ADGRB3: variants seen among roughly 807,000 people sequenced by gnomAD.
ADGRB3 encodes adhesion G protein-coupled receptor B3.
In ADGRB3, 37 loss-of-function variants were observed where a neutral mutation model predicts 193.4. That is an observed-to-expected ratio of 0.19 (90% confidence interval 0.15 to 0.25). The LOEUF (loss-of-function observed/expected upper bound fraction) is 0.25, where lower values mean the gene tolerates loss of function less well. ADGRB3 is among the 10% of genes least tolerant of loss of function. The pLI is 1.00. For missense variants in ADGRB3, 1,637 were observed against 1,852.9 expected (o/e 0.88, Z 2.14); for synonymous variants, 690 against 644.2 (o/e 1.07, Z -1.08).
chr6:68,731,491 A>G (rs1468057557), intron 3 of ADGRB3, among the ~76,000 whole-genome samples: 1 of 151,654 alleles, frequency 6.6e-6, no homozygotes, highest in Non-Finnish European at 1.5e-5. Context: ...CAGAATGCTG[A>G]TGGTTTTATT....
At chr6:68,974,523 C>T (rs1410786818) in intron 8 of ADGRB3, among the ~76,000 whole-genome samples, 2 of 152,004 alleles carry the variant, frequency 1.3e-5, no homozygotes, top group Non-Finnish European at 2.9e-5. Flanking sequence ...GTCCTAGTTA[C>T]TCAAGAGACT....
rs553203741 is a variant in ADGRB3 at position 69,278,002 on chromosome 6, G to T, written c.2814+38776G>T. 1.2e-4 allele frequency among the ~76,000 whole-genome samples: 18 copies of T among 152,270 alleles called. No individual in the cohort carries two copies. The Middle Eastern group carries it at 0.014, about 115-fold the overall frequency. On this transcript the variant is annotated intron_variant, in intron 20 of 31. Coordinates refer to ENST00000370598, the MANE Select transcript of ADGRB3 (RefSeq NM_001704.3). ...CACTCTATACCGTGAATAGTGTTCT[G>T]AGCTTGGAAACACTTGCACTTGTTT...
At chr6:69,069,731 T>C (rs1377179708) in intron 16 of ADGRB3, among the ~76,000 whole-genome samples, 1 of 108,238 alleles carries the variant, frequency 9.2e-6, no homozygotes, top group Admixed American at 1.0e-4. Context: ...ACTCTCTCAT[T>C]AAAAAAAAAA....
At chr6:68,907,269 C>G (rs1294107541) in intron 3 of ADGRB3, among the ~76,000 whole-genome samples, 1 of 151,870 alleles carries the variant, frequency 6.6e-6, no homozygotes, top group Non-Finnish European at 1.5e-5. Flanking sequence ...AGCACATATT[C>G]AGACACAATG....
chr6:69,249,673 C>A (rs972013610), intron 20 of ADGRB3, among the ~76,000 whole-genome samples: 1 of 152,058 alleles, frequency 6.6e-6, no homozygotes, highest in Non-Finnish European at 1.5e-5. Context: ...CTCACCCTAC[C>A]CTAAAATTTG....
chr6:68,772,914 T>A (rs1186270532), intron 3 of ADGRB3, among the ~76,000 whole-genome samples: 3,566 of 60,274 alleles, frequency 0.059, 216 homozygotes, highest in Non-Finnish European at 0.072. Context: ...TATATATATA[T>A]ATATATATAT....
At chr6:68,791,740 T>G (rs182158264) in intron 3 of ADGRB3, among the ~76,000 whole-genome samples, 1 of 152,220 alleles carries the variant, frequency 6.6e-6, no homozygotes, top group Non-Finnish European at 1.5e-5. Flanking sequence ...GAGATGTTGA[T>G]GAGCAAGGTA....
At chr6:69,220,015 G>A (rs28542938) in intron 17 of ADGRB3, among the ~76,000 whole-genome samples, 1 of 151,906 alleles carries the variant, frequency 6.6e-6, no homozygotes, top group African/African-American at 2.4e-5. Flanking sequence ...TAAGATGCTT[G>A]AAGCTTTCCC....
At chr6:69,179,813 G>C (rs1165995854) in intron 17 of ADGRB3, among the ~76,000 whole-genome samples, 1 of 152,194 alleles carries the variant, frequency 6.6e-6, no homozygotes, top group Non-Finnish European at 1.5e-5. Context: ...TTACAAGCCA[G>C]TAGGTGACAC....
intron 17 of ADGRB3, among the ~76,000 whole-genome samples, chr6:69,160,585 T>C (rs1002570804): frequency 3.9e-5 from 6 of 152,112 alleles, no homozygotes; most frequent in Non-Finnish European, 8.8e-5. Context: ...ATCATCTTAT[T>C]ATCATCTAGC....
At chr6:69,278,472 A>G (rs1383529016) in intron 20 of ADGRB3, among the ~76,000 whole-genome samples, 1 of 152,118 alleles carries the variant, frequency 6.6e-6, no homozygotes, top group Non-Finnish European at 1.5e-5. Context: ...TATCTTGTAC[A>G]TTATTCCCCC....
chr6:69,031,550 T>TTTC lies in ADGRB3; in HGVS notation c.2107+13053_2107+13054insCTT. Among the ~76,000 whole-genome samples the TTTC allele has an allele frequency of 4.7e-3, 331 of 69,930 alleles. 27 individuals are homozygous for TTTC. Among genetic ancestry groups the TTTC allele is most frequent in the African/African-American group, 0.012 (248 of 20,146 alleles). The allele number at this position is 69,930 out of a possible 152,430, so 45.9% of individuals were successfully genotyped here. On this transcript the variant is annotated intron_variant, in intron 13 of 31. Coordinates refer to ENST00000370598, the MANE Select transcript of ADGRB3 (RefSeq NM_001704.3). ...CTTTCTTTCTTTCTTTCTTTCTTTC[T>TTTC]TTTTCTTTCTTTCTTTTCTTCCTCT...
intron 3 of ADGRB3, among the ~76,000 whole-genome samples, chr6:68,874,014 A>G (rs1765525596): frequency 1.3e-5 from 2 of 152,098 alleles, no homozygotes; most frequent in Admixed American, 1.3e-4. Flanking sequence ...TAATGATTGA[A>G]CACTGAAGAT....
chr6:68,892,948 C>T (rs756795064), intron 3 of ADGRB3, among the ~76,000 whole-genome samples: 2 of 151,838 alleles, frequency 1.3e-5, no homozygotes, highest in African/African-American at 4.8e-5. Flanking sequence ...TCAAGTTCCA[C>T]CTGACTTCTA....
At chr6:69,237,098 A>T (rs1766280699) in intron 19 of ADGRB3, among the ~76,000 whole-genome samples, 1 of 151,966 alleles carries the variant, frequency 6.6e-6, no homozygotes, top group Non-Finnish European at 1.5e-5. Flanking sequence ...ACCAATAGAA[A>T]CTTCGAGAAC....
intron 3 of ADGRB3, among the ~76,000 whole-genome samples, chr6:68,905,555 C>T (rs1414601336): frequency 2.6e-5 from 4 of 152,194 alleles, no homozygotes; most frequent in South Asian, 2.1e-4. Flanking sequence ...TTCTAGCAGG[C>T]GTCCCTTTCT....
chr6:69,281,279 G>C (rs1241999324), intron 20 of ADGRB3, among the ~76,000 whole-genome samples: 3 of 152,118 alleles, frequency 2.0e-5, no homozygotes, highest in Admixed American at 6.6e-5. Context: ...TCAGGCTCTT[G>C]CCCACATTTA....
At chr6:68,929,542 A>G (rs1767278525) in intron 3 of ADGRB3, among the ~76,000 whole-genome samples, 1 of 152,160 alleles carries the variant, frequency 6.6e-6, no homozygotes, top group African/African-American at 2.4e-5. Context: ...GTCATGTTTA[A>G]GAGACCTGGA....
chr6:68,850,385 A>G (rs1488341472), intron 3 of ADGRB3, among the ~76,000 whole-genome samples: 1 of 151,806 alleles, frequency 6.6e-6, no homozygotes, highest in Admixed American at 6.6e-5. Context: ...ATTGGGTTAC[A>G]TTTTTGTTAC....
Sources: gnomAD v4.1 joint callset for allele counts (sites outside exome capture counted in the v4.1 genomes callset) on GRCh38, gnomAD v4.1.1 for gene constraint, MANE v1.5 for transcripts, NCBI Gene and HGNC (gene_info 2026-07-23, HGNC 2026-07-21) for gene names.